GRK2: variants seen among roughly 807,000 people sequenced by gnomAD.
GRK2 encodes adrenergic beta receptor kinase 1.
A neutral mutation model predicts 97.8 loss-of-function variants in GRK2; 23 were observed. The observed-to-expected ratio is 0.24, with a 90% CI of 0.17 to 0.33. The LOEUF (loss-of-function observed/expected upper bound fraction) is 0.33. GRK2 is among the 10% of genes least tolerant of loss of function. The pLI is 1.00. For missense variants in GRK2, 633 were observed against 956.9 expected (o/e 0.66, Z 4.47); for synonymous variants, 425 against 381.7 (o/e 1.11, Z -1.32).
At chr11:67,270,497 A>G (rs1415024315) in intron 1 of GRK2, among the ~76,000 whole-genome samples, 3 of 151,904 alleles carry the variant, frequency 2.0e-5, no homozygotes, top group African/African-American at 7.3e-5. Flanking sequence ...CTTCGCAGCC[A>G]GAACTTCCTG....
intron 1 of GRK2, among the ~76,000 whole-genome samples, chr11:67,267,353 T>C (rs1859821758): frequency 6.6e-6 from 1 of 152,204 alleles, no homozygotes; most frequent in African/African-American, 2.4e-5. Context: ...TGTGAGGTGT[T>C]GGGGGACAGC....
At chr11:67,284,767 C>T (rs745718068) in intron 18 of GRK2, 80 bp from the exon 19 acceptor site, 30 of 1,522,330 alleles carry the variant, frequency 2.0e-5, no homozygotes, top group Non-Finnish European at 2.7e-5. Flanking sequence ...CCAGCCTGGG[C>T]AACAGAGTGG....
rs769763763 is a variant in GRK2, at chr11:67,279,918, TGGGAGAGGAA to T, written c.503+22_503+31del. The stretch of plus-strand genomic sequence containing the variant: ...ATTGAGAGGTGAGAGCAGGGAAGTG[TGGGAGAGGAA>T]GGGGGAGGGAGGGGCCGCTCTCAGA... On this transcript the variant is annotated intron_variant, in intron 6 of 20. Transcript: ENST00000308595. The T allele has an allele frequency of 4.1e-5, 66 of 1,612,886 alleles. No individual in the cohort carries two copies. The East Asian group carries it at 1.4e-3, about 35-fold the overall frequency.
intron 1 of GRK2, 50 bp from the exon 2 acceptor site, chr11:67,277,222 C>T: frequency 6.9e-6 from 11 of 1,590,464 alleles, no homozygotes; most frequent in Non-Finnish European, 9.5e-6. Flanking sequence ...GGGCCTGCAG[C>T]CCCCACGGGC....
In GRK2 at chr11:67,282,873, TGCCAG is replaced by T. The variant is rs1860186019; in HGVS notation, c.1227+60_1227+64del. 6.5e-7 allele frequency: 1 copy of T among 1,542,622 alleles called. No homozygotes were observed. On this transcript the variant is annotated intron_variant, in intron 14 of 20. Transcript: ENST00000308595. This position sits in a 1 kb window ranked among gnomAD's most constrained non-coding sequence, Gnocchi z 6.9. ...GGGGGCTGGGGGGAGCTCCTGTGGG[TGCCAG>T]GCCATGACTCTTGCTTCCCACCAGC... is the stretch of plus-strand genomic sequence containing the variant.
chr11:67,280,908 T>C, intron 7 of GRK2, 125 bp downstream of exon 7: 3 of 1,254,232 alleles, frequency 2.4e-6, no homozygotes, highest in Non-Finnish European at 3.5e-6. Context: ...CCCAGGGCCG[T>C]GGCTATGGGG....
In GRK2 at chr11:67,281,774, A is replaced by G. The variant is rs545272790; in HGVS notation, c.826+46A>G. ...AGGGTGGGCCGGGCCCAGGCACGGG[A>G]GGCTGGGGCAAGACACTGAGTGCTG... is the stretch of plus-strand genomic sequence containing the variant. On this transcript the variant is annotated intron_variant, in intron 10 of 20. Transcript: ENST00000308595. This position sits in a 1 kb window ranked among gnomAD's most constrained non-coding sequence, Gnocchi z 5.7. 4.3e-6 allele frequency: 7 copies of G among 1,613,448 alleles called. No homozygotes were observed. The highest frequency in any genetic ancestry group is 2.2e-5 in the East Asian group (1 of 44,856).
At position 67,279,720 on chromosome 11, in the gene GRK2, T is replaced by A. The variant is rs1267459306; in HGVS notation, c.441+20T>A. 2 of 1,613,370 alleles carry A rather than the reference T, an allele frequency of 1.2e-6. No homozygotes were observed. Among genetic ancestry groups the A allele is most frequent in the Admixed American group, 1.7e-5 (1 of 59,990 alleles). ...TTCCAGGTGTGTGCCTCCCGGTCCCTCCCCAGGCAAGGTCACCTTGGACAG... is the reference window on the plus strand; with the variant it reads ...TTCCAGGTGTGTGCCTCCCGGTCCCACCCCAGGCAAGGTCACCTTGGACAG... On this transcript the variant is annotated intron_variant, in intron 5 of 20. Coordinates refer to ENST00000308595, the MANE Select transcript of GRK2 (RefSeq NM_001619.5).
At position 67,269,794 on chromosome 11, in the gene GRK2, T is replaced by C. The variant is rs937999690; in HGVS notation, c.113+2982T>C. Reference sequence around the variant, plus strand: ...ACCTTGGCAGCCCCTCCATGGCTGGTGCCTGGGGATGTGTCTTGGCCAAGA... The same window carrying C: ...ACCTTGGCAGCCCCTCCATGGCTGGCGCCTGGGGATGTGTCTTGGCCAAGA... On this transcript the variant is annotated intron_variant, in intron 1 of 20. Coordinates refer to ENST00000308595, the MANE Select transcript of GRK2 (RefSeq NM_001619.5). The surrounding 1 kb of genome is among the most constrained non-coding windows in gnomAD (Gnocchi z 4.1). 1.3e-5 allele frequency among the ~76,000 whole-genome samples: 2 copies of C among 152,200 alleles called. No individual in the cohort carries two copies. Among genetic ancestry groups the C allele is most frequent in the Admixed American group, 6.5e-5 (1 of 15,280 alleles).
chr11:67,285,253 C>G (rs1672037210), intron 20 of GRK2, 33 bp from the exon 21 acceptor site: 1 of 1,609,784 alleles, frequency 6.2e-7, no homozygotes, highest in Non-Finnish European at 8.5e-7. Flanking sequence ...TGGGGAGAGC[C>G]CCAGCTGACA....
chr11:67,283,033 C>A, intron 14 of GRK2, 95 bp from the exon 15 acceptor site: 1 of 1,315,194 alleles, frequency 7.6e-7, no homozygotes, highest in Non-Finnish European at 1.1e-6. Flanking sequence ...CCCCATCTGT[C>A]CCTCTGCGGG....
chr11:67,266,916 G>A, intron 1 of GRK2, 104 bp downstream of exon 1: 1 of 410,104 alleles, frequency 2.4e-6, no homozygotes, highest in Non-Finnish European at 3.8e-6. Flanking sequence ...GACCCCCGGG[G>A]CCGGCTCTCG....
intron 1 of GRK2, among the ~76,000 whole-genome samples, chr11:67,272,686 C>T (rs1203555913): frequency 6.6e-6 from 1 of 152,260 alleles, no homozygotes; most frequent in Non-Finnish European, 1.5e-5. Flanking sequence ...GTGGGACTGA[C>T]TGCTCCTTCC....
chr11:67,273,493 C>T (rs747578289), intron 1 of GRK2, among the ~76,000 whole-genome samples: 4 of 152,170 alleles, frequency 2.6e-5, no homozygotes, highest in Non-Finnish European at 4.4e-5. Flanking sequence ...CCTGTGCTCG[C>T]CCGTGCTTGC....
At chr11:67,275,476 C>G (rs1318525474) in intron 1 of GRK2, among the ~76,000 whole-genome samples, 1 of 152,166 alleles carries the variant, frequency 6.6e-6, no homozygotes, top group Non-Finnish European at 1.5e-5. Context: ...TCCCACCCAC[C>G]CCCTTCCCCT....
intron 1 of GRK2, among the ~76,000 whole-genome samples, chr11:67,275,625 TG>T (rs1049776276): frequency 2.0e-5 from 3 of 152,224 alleles, no homozygotes; most frequent in African/African-American, 7.2e-5. Flanking sequence ...CCCCCTGGTT[TG>T]CAAGGCCCTG....
At chr11:67,279,315 G>A (rs1323442073) in intron 3 of GRK2, 42 bp downstream of exon 3, 22 of 1,611,372 alleles carry the variant, frequency 1.4e-5, no homozygotes, top group Non-Finnish European at 1.7e-5. Flanking sequence ...CTGGAGAAAG[G>A]GGAGGAGGTT....
intron 5 of GRK2, 28 bp from the exon 6 acceptor site, chr11:67,279,811 G>A: frequency 6.2e-7 from 1 of 1,613,928 alleles, no homozygotes; most frequent in Non-Finnish European, 8.5e-7. Flanking sequence ...TCGGGGCTCA[G>A]TCACCAACTT....
At chr11:67,273,472 G>C (rs1859955476) in intron 1 of GRK2, among the ~76,000 whole-genome samples, 1 of 152,202 alleles carries the variant, frequency 6.6e-6, no homozygotes, top group Non-Finnish European at 1.5e-5. Context: ...AGTCCAGGAG[G>C]CTGTCCCACC....
Sources: gnomAD v4.1 joint callset for allele counts (sites outside exome capture counted in the v4.1 genomes callset) on GRCh38, gnomAD v4.1.1 for gene constraint, Gnocchi (gnomAD v3.1) non-coding constraint, MANE v1.5 for transcripts, NCBI Gene and HGNC (gene_info 2026-07-23, HGNC 2026-07-21) for gene names.